The following HNF4A variants were observed in gnomAD, a reference collection of about 807,000 sequenced individuals.
The protein encoded by HNF4A is hepatocyte nuclear factor 4-alpha.
A neutral mutation model predicts 52.4 loss-of-function variants in HNF4A; 15 were observed. The observed-to-expected ratio is 0.29, with a 90% confidence interval of 0.19 to 0.44. The LOEUF is 0.44. HNF4A is among the 20% of genes least tolerant of loss of function. The pLI is 1.00. For synonymous variants in HNF4A, 280 were observed against 264.4 expected (o/e 1.06, Z -0.57); for missense variants, 479 against 647.2 (o/e 0.74, Z 2.82).
At chr20:44,402,626 G>A in intron 1 of HNF4A, 3 of 1,364,134 alleles carry the variant, frequency 2.2e-6, no homozygotes, top group African/African-American at 1.5e-5. Flanking sequence ...TGGAGGGGTG[G>A]ACAGTTCTCC....
At chr20:44,404,394 A>G (rs2063453027) in intron 1 of HNF4A, among the ~76,000 whole-genome samples, 1 of 152,176 alleles carries the variant, frequency 6.6e-6, no homozygotes, top group Non-Finnish European at 1.5e-5. Flanking sequence ...TGTTACCTAC[A>G]GTGCATGGCC....
At chr20:44,392,886 G>A (rs1004469218) in intron 1 of HNF4A, among the ~76,000 whole-genome samples, 6 of 152,212 alleles carry the variant, frequency 3.9e-5, no homozygotes, top group African/African-American at 9.6e-5. Context: ...TGGGCACTTC[G>A]CTTGGCAAGT....
At chr20:44,385,059 C>CTT (rs775721024) in intron 1 of HNF4A, among the ~76,000 whole-genome samples, 574 of 34,960 alleles carry the variant, frequency 0.016, 124 homozygotes, top group Non-Finnish European at 0.019. Flanking sequence ...ACTCTGTGAT[C>CTT]TTTTTTTTTT....
chr20:44,368,115 CAT>C (rs1384206695), intron 1 of HNF4A, among the ~76,000 whole-genome samples: 7 of 75,290 alleles, frequency 9.3e-5, no homozygotes, highest in African/African-American at 2.0e-4. Context: ...TGTGTGTATA[CAT>C]ATATGTGTGT....
At chr20:44,419,668 G>C in intron 6 of HNF4A, 53 bp from the exon 7 acceptor site, 1 of 1,584,346 alleles carries the variant, frequency 6.3e-7, no homozygotes, top group Non-Finnish European at 8.6e-7. Context: ...AACTAGAGGA[G>C]AGGGGTCAAC....
At chr20:44,362,265 CAA>C (rs2062924938) in intron 1 of HNF4A, among the ~76,000 whole-genome samples, 1 of 151,700 alleles carries the variant, frequency 6.6e-6, no homozygotes, top group Non-Finnish European at 1.5e-5. Flanking sequence ...ACTAAGCATA[CAA>C]AAATTAGCTG....
At chr20:44,394,233 C>T (rs7272821) in intron 1 of HNF4A, among the ~76,000 whole-genome samples, 2,965 of 152,180 alleles carry the variant, frequency 0.019, 93 homozygotes, top group African/African-American at 0.068. Context: ...AGACATTGCC[C>T]GGGTCCACAG....
intron 1 of HNF4A, among the ~76,000 whole-genome samples, chr20:44,364,340 ACT>A (rs1195261341): frequency 6.6e-6 from 1 of 151,986 alleles, no homozygotes; most frequent in Admixed American, 6.6e-5. Flanking sequence ...TGCACCCGGC[ACT>A]CTGTTTTGAC....
intron 1 of HNF4A, among the ~76,000 whole-genome samples, chr20:44,382,370 C>T (rs890737181): frequency 2.0e-5 from 3 of 152,082 alleles, no homozygotes; most frequent in Non-Finnish European, 4.4e-5. Flanking sequence ...TCCCAAGTAG[C>T]TGGGACTACA....
chr20:44,388,141 T>C (rs1272837866), intron 1 of HNF4A, among the ~76,000 whole-genome samples: 1 of 151,548 alleles, frequency 6.6e-6, no homozygotes, highest in Non-Finnish European at 1.5e-5. Context: ...CAGGCTGGAG[T>C]GCAGTGGCGC....
At chr20:44,364,000 C>T (rs2062944578) in intron 1 of HNF4A, among the ~76,000 whole-genome samples, 1 of 152,024 alleles carries the variant, frequency 6.6e-6, no homozygotes, top group Admixed American at 6.6e-5. Flanking sequence ...TCCATTTCCT[C>T]TTTTGAGAAA....
At chr20:44,379,024 C>G (rs746663721) in intron 1 of HNF4A, among the ~76,000 whole-genome samples, 8 of 152,066 alleles carry the variant, frequency 5.3e-5, no homozygotes, top group Non-Finnish European at 8.8e-5. Flanking sequence ...TGACTACTTT[C>G]CTGTAGGCTA....
chr20:44,366,628 A>G (rs1226069898), intron 1 of HNF4A, among the ~76,000 whole-genome samples: 2 of 152,174 alleles, frequency 1.3e-5, no homozygotes, highest in Non-Finnish European at 2.9e-5. Flanking sequence ...GTCAAAAAGA[A>G]AAAAACAAAA....
Position 44,424,224 on chromosome 20 carries a change from G to T in HNF4A, c.1099G>T (p.Asp367Tyr). Residue 367 changes from aspartate to tyrosine, a missense_variant, in exon 8 of 10, where the codon GAC (aspartate) becomes TAC (tyrosine). Coordinates refer to ENST00000316099, the MANE Select transcript of HNF4A (RefSeq NM_000457.6). ...CAAGCTCTTCGGCATGGCCAAGATT[G>T]ACAACCTGTTGCAGGAGATGCTGCT... 1 of 1,614,090 alleles carries T rather than the reference G, an allele frequency of 6.2e-7. No homozygotes were observed. The highest frequency in any genetic ancestry group is 8.5e-7 in the Non-Finnish European group (1 of 1,180,000).
At position 44,367,643 on chromosome 20, in the gene HNF4A, A is replaced by G. The variant is rs559658711; in HGVS notation, c.49+11790A>G. On this transcript the variant is annotated intron_variant, in intron 1 of 9. Transcript: ENST00000316673. Reference sequence around the variant, plus strand: ...TAACAGAGCAACACTCCGTCTCAAAAAAAAAAAAAAAATTAACTCCTTGGC... The same window carrying G: ...TAACAGAGCAACACTCCGTCTCAAAGAAAAAAAAAAAATTAACTCCTTGGC... 2.0e-5 allele frequency among the ~76,000 whole-genome samples: 3 copies of G among 151,650 alleles called. No individual in the cohort carries two copies. In the South Asian group the frequency reaches 6.3e-4, roughly 32 times the overall value.
At chr20:44,421,559 GC>G (rs1006808112) in intron 7 of HNF4A, among the ~76,000 whole-genome samples, 3 of 151,912 alleles carry the variant, frequency 2.0e-5, no homozygotes, top group Admixed American at 6.6e-5. Context: ...TTCAAGACCA[GC>G]CTGGCCAACA....
intron 1 of HNF4A, among the ~76,000 whole-genome samples, chr20:44,371,080 G>A (rs1025946237): frequency 6.6e-6 from 1 of 152,200 alleles, no homozygotes; most frequent in Non-Finnish European, 1.5e-5. Context: ...ACTGGAGGGA[G>A]GCCTGGGTGC....
intron 5 of HNF4A, among the ~76,000 whole-genome samples, chr20:44,415,096 A>G (rs1247104892): frequency 6.6e-6 from 1 of 152,162 alleles, no homozygotes; most frequent in African/African-American, 2.4e-5. Flanking sequence ...CTATGGCTCT[A>G]AGACTGGTTG....
At chr20:44,380,713 A>G (rs2063142953) in intron 1 of HNF4A, among the ~76,000 whole-genome samples, 1 of 152,090 alleles carries the variant, frequency 6.6e-6, no homozygotes, top group Non-Finnish European at 1.5e-5. Context: ...CCATTCTGTA[A>G]GTTGCTTTTT....
Sources: gnomAD v4.1 joint callset for allele counts (sites outside exome capture counted in the v4.1 genomes callset) on GRCh38, gnomAD v4.1.1 for gene constraint, MANE v1.5 for transcripts, NCBI Gene and HGNC (gene_info 2026-07-23, HGNC 2026-07-21) for gene names.